EDIL3: variants seen among roughly 807,000 people sequenced by gnomAD.
The protein encoded by EDIL3 is EGF like and discoidin domains 3.
A neutral mutation model predicts 67.4 loss-of-function variants in EDIL3; 37 were observed. That is an observed-to-expected ratio of 0.55 (90% CI 0.42 to 0.72). The LOEUF is 0.72. Among genes scored for constraint, EDIL3 ranks in the 30% least tolerant of loss-of-function variants. The pLI is 0.00. For missense variants in EDIL3, 527 were observed against 586.3 expected (o/e 0.90, Z 1.04); for synonymous variants, 195 against 196.3 (o/e 0.99, Z 0.05).
chr5:84,309,161 G>C (rs1746329594), intron 1 of EDIL3, among the ~76,000 whole-genome samples: 1 of 152,106 alleles, frequency 6.6e-6, no homozygotes. Flanking sequence ...AGTATCTCAT[G>C]ACAGAATTTC....
At position 84,008,376 on chromosome 5, in the gene EDIL3, C is replaced by T. The variant is rs545936770; in HGVS notation, c.1138-45016G>A. Among the ~76,000 whole-genome samples the T allele has an allele frequency of 9.2e-5, 14 of 152,112 alleles. No homozygotes were observed. In the East Asian group the frequency reaches 2.5e-3, roughly 27 times the overall value. On this transcript the variant is annotated intron_variant, in intron 9 of 10. Coordinates refer to ENST00000296591, the MANE Select transcript of EDIL3 (RefSeq NM_005711.5). ...TTAGGTGATTATTAAACATTGTATG[C>T]CTGTATCAAAATACCTCACATATAT...
intron 9 of EDIL3, among the ~76,000 whole-genome samples, chr5:84,057,169 C>CAA (rs1746462903): frequency 6.6e-6 from 1 of 152,108 alleles, no homozygotes; most frequent in Admixed American, 6.6e-5. Context: ...TGAATTAACA[C>CAA]AAAGTCTATT....
intron 1 of EDIL3, among the ~76,000 whole-genome samples, chr5:84,334,411 G>T (rs950610648): frequency 5.8e-4 from 89 of 152,178 alleles, no homozygotes; most frequent in African/African-American, 2.1e-3. Flanking sequence ...CTGAAAAAAT[G>T]AAAAGTTTGT....
intron 9 of EDIL3, among the ~76,000 whole-genome samples, chr5:84,001,943 A>C (rs1745338499): frequency 6.6e-6 from 1 of 152,060 alleles, no homozygotes; most frequent in Non-Finnish European, 1.5e-5. Flanking sequence ...AACCAAAGAC[A>C]CATCAAAAAA....
chr5:83,958,794 T>TA (rs1161296403), intron 10 of EDIL3, among the ~76,000 whole-genome samples: 1 of 151,330 alleles, frequency 6.6e-6, no homozygotes, highest in African/African-American at 2.4e-5. Context: ...CTAAATGCAG[T>TA]AAAAAACAGC....
rs74886484 is a variant in EDIL3 at position 84,105,484 on chromosome 5, G to A, written c.651+1165C>T. The stretch of plus-strand genomic sequence containing the variant: ...GCCTCTTAGCCATAAATCAATTTTC[G>A]TTTATACCAAATGCCTGTAAACTAG... On this transcript the variant is annotated intron_variant, in intron 6 of 10. Transcript: ENST00000296591. Among the ~76,000 whole-genome samples the A allele has an allele frequency of 2.0e-3, 306 of 152,032 alleles. 2 individuals carry two copies. The highest frequency in any genetic ancestry group is 6.8e-3 in the Middle Eastern group (2 of 294).
rs1744253856 is a variant in EDIL3 at position 83,943,117 on chromosome 5, ACTTT to A, written c.*298_*301del. ...TTACTCTTGCTATAAAAAGAAGGCT[ACTTT>A]CTTTCCCTAATATATTTCTACCAAT... On this transcript the variant is annotated 3_prime_UTR_variant, in exon 11 of 11. Transcript: ENST00000296591. 1 of 286,668 alleles carries A rather than the reference ACTTT, an allele frequency of 3.5e-6. No individual in the cohort carries two copies. The highest frequency in any genetic ancestry group is 6.6e-6 in the Non-Finnish European group (1 of 151,502). The allele number at this position is 286,668 out of a possible 1,614,324, so 17.8% of individuals were successfully genotyped here.
chr5:84,060,577 A>G, intron 8 of EDIL3, 93 bp from the exon 9 acceptor site: 1 of 1,329,572 alleles, frequency 7.5e-7, no homozygotes. Flanking sequence ...AAGATTAAAC[A>G]TAATGCTATT....
At chr5:84,381,820 T>A (rs1187061984) in intron 1 of EDIL3, among the ~76,000 whole-genome samples, 2 of 152,236 alleles carry the variant, frequency 1.3e-5, no homozygotes, top group Non-Finnish European at 2.9e-5. Context: ...AAATATTCAA[T>A]CTGACTGATC....
intron 1 of EDIL3, among the ~76,000 whole-genome samples, chr5:84,284,568 A>T (rs1745772254): frequency 6.6e-6 from 1 of 152,182 alleles, no homozygotes; most frequent in Non-Finnish European, 1.5e-5. Flanking sequence ...CAATCTCATG[A>T]TATTGATATT....
intron 5 of EDIL3, among the ~76,000 whole-genome samples, chr5:84,122,394 G>A (rs1747792192): frequency 1.3e-5 from 2 of 151,806 alleles, no homozygotes; most frequent in Non-Finnish European, 2.9e-5. Flanking sequence ...TAAGTTCTAG[G>A]GTACATGTGC....
chr5:84,384,565 T>C lies in EDIL3; in HGVS notation c.-191A>G. The C allele has an allele frequency of 2.1e-6, 1 of 474,312 alleles. No individual in the cohort carries two copies. Among genetic ancestry groups the C allele is most frequent in the Non-Finnish European group, 3.6e-6 (1 of 277,960 alleles). 29.4% of individuals were successfully genotyped at this position (474,312 alleles called of 1,614,324 possible). A position where few individuals can be genotyped will look rare whatever the true frequency, so the allele number is the denominator to read the frequency against. Reference sequence around the variant, plus strand: ...GAGTGGTGACTAAAGAGAGGAGCCTTTCCTCCCCTTTTGCCTGCGCTCCGG... The same window carrying C: ...GAGTGGTGACTAAAGAGAGGAGCCTCTCCTCCCCTTTTGCCTGCGCTCCGG... On this transcript the variant is annotated 5_prime_UTR_variant, in exon 1 of 11. Transcript: ENST00000296591.
At chr5:84,072,584 C>T (rs1746759641) in intron 6 of EDIL3, among the ~76,000 whole-genome samples, 1 of 152,100 alleles carries the variant, frequency 6.6e-6, no homozygotes, top group African/African-American at 2.4e-5. Flanking sequence ...CAATGACAAA[C>T]ACACATCCTC....
chr5:84,131,042 C>T (rs993815494), intron 5 of EDIL3, among the ~76,000 whole-genome samples: 2 of 151,804 alleles, frequency 1.3e-5, no homozygotes, highest in Non-Finnish European at 2.9e-5. Flanking sequence ...AAGTTGTTTG[C>T]ATAAATAATA....
intron 6 of EDIL3, among the ~76,000 whole-genome samples, chr5:84,095,568 T>G (rs1376239123): frequency 6.6e-6 from 1 of 152,142 alleles, no homozygotes; most frequent in Non-Finnish European, 1.5e-5. Flanking sequence ...TTTGTGGAAC[T>G]TTGAACTTGA....
chr5:83,995,192 A>G (rs1016596688), intron 9 of EDIL3, among the ~76,000 whole-genome samples: 1 of 142,082 alleles, frequency 7.0e-6, no homozygotes, highest in Non-Finnish European at 1.5e-5. Context: ...ATTTTATTCT[A>G]GAGACAACAC....
chr5:84,155,002 G>T (rs1448069970), intron 4 of EDIL3, among the ~76,000 whole-genome samples: 2 of 151,988 alleles, frequency 1.3e-5, no homozygotes, highest in East Asian at 3.9e-4. Context: ...CCTAGCCTCT[G>T]CTTCTTATTC....
At chr5:84,237,287 A>G (rs939336409) in intron 2 of EDIL3, among the ~76,000 whole-genome samples, 1 of 152,170 alleles carries the variant, frequency 6.6e-6, no homozygotes, top group East Asian at 1.9e-4. Flanking sequence ...TGAATTGATC[A>G]GCAATACTGG....
intron 4 of EDIL3, among the ~76,000 whole-genome samples, chr5:84,177,693 T>C (rs1222066426): frequency 6.6e-6 from 1 of 152,148 alleles, no homozygotes; most frequent in Non-Finnish European, 1.5e-5. Context: ...CTCTGTACTT[T>C]CTGCTTGATT....
Sources: gnomAD v4.1 joint callset for allele counts (sites outside exome capture counted in the v4.1 genomes callset) on GRCh38, gnomAD v4.1.1 for gene constraint, MANE v1.5 for transcripts, NCBI Gene and HGNC (gene_info 2026-07-23, HGNC 2026-07-21) for gene names.